Variants in FMN1 observed in about 807,000 individuals in gnomAD.
The protein encoded by FMN1 is formin 1.
Under a neutral mutation model 132.4 loss-of-function variants are expected in FMN1, and 110 were observed. The ratio of observed to expected loss-of-function variants is 0.83; its 90% CI spans 0.71 to 0.97. The LOEUF (loss-of-function observed/expected upper bound fraction) is 0.97. Ranked by LOEUF, FMN1 falls within the 50% of genes least tolerant of loss-of-function variation. The probability of loss-of-function intolerance (pLI) is 0.00; values close to 1 mark genes in which losing one functional copy is unlikely to be tolerated. For missense variants in FMN1, 1,792 were observed against 1,705.3 expected (o/e 1.05, Z -0.90); for synonymous variants, 722 against 651.7 (o/e 1.11, Z -1.64).
Position 32,804,442 on chromosome 15 carries a change from G to GCA in FMN1, c.3929-111_3929-110insTG, listed in dbSNP as rs1567194460. 11 of 45,206 alleles carry GCA rather than the reference G, an allele frequency of 2.4e-4. 1 individual carries two copies. The highest frequency in any genetic ancestry group is 1.5e-3 in the South Asian group (9 of 5,812). 2.8% of individuals were successfully genotyped at this position (45,206 alleles called of 1,614,324 possible). The stretch of plus-strand genomic sequence containing the variant: ...TACCACAGGAGGTCTGAATTCGGGG[G>GCA]GGGGGGGGGGGGGTAGCCTGTAACA... On this transcript the variant is annotated intron_variant, in intron 17 of 20. Transcript: ENST00000616417.
chr15:32,887,886 CTGCTATTA>C (rs1360506324), intron 16 of FMN1, among the ~76,000 whole-genome samples: 2 of 152,064 alleles, frequency 1.3e-5, no homozygotes, highest in African/African-American at 4.8e-5. Flanking sequence ...TAAATGGTTA[CTGCTATTA>C]TCATTAATAA....
Position 32,905,456 on chromosome 15 carries a change from C to T in FMN1, c.3377+3034G>A, listed in dbSNP as rs772368920. ...CTGTGTATAGTGTTCTCACCCTAGG[C>T]CATGAGAAGTGTGTACCAGGCCTAA... On this transcript the variant is annotated intron_variant, in intron 12 of 20. Coordinates refer to ENST00000616417, the MANE Select transcript of FMN1 (RefSeq NM_001277313.2). 4.5e-4 allele frequency among the ~76,000 whole-genome samples: 68 copies of T among 152,322 alleles called. 1 individual carries two copies. In the Middle Eastern group the frequency reaches 0.027, roughly 61 times the overall value.
At chr15:33,100,346 T>C (rs950617736) in intron 4 of FMN1, among the ~76,000 whole-genome samples, 4 of 152,178 alleles carry the variant, frequency 2.6e-5, no homozygotes, top group Admixed American at 6.5e-5. Context: ...AGGGAAGCTA[T>C]TGTGAAACAA....
At chr15:32,896,150 C>A (rs2060149335) in intron 15 of FMN1, among the ~76,000 whole-genome samples, 1 of 151,966 alleles carries the variant, frequency 6.6e-6, no homozygotes, top group Non-Finnish European at 1.5e-5. Context: ...ATACTTGACA[C>A]ATATTTATTT....
chr15:32,984,909 T>C (rs543712785), intron 7 of FMN1, among the ~76,000 whole-genome samples: 2 of 149,506 alleles, frequency 1.3e-5, no homozygotes, highest in South Asian at 2.1e-4. Flanking sequence ...TATTGATACG[T>C]AGGTCTTCTT....
At position 33,154,111 on chromosome 15, in the gene FMN1, G is replaced by A; in HGVS notation, c.804C>T (p.Pro268=). 1.3e-6 allele frequency: 2 copies of A among 1,536,096 alleles called. No individual in the cohort carries two copies. Among genetic ancestry groups the A allele is most frequent in the Non-Finnish European group, 1.7e-6 (2 of 1,146,830 alleles). Residue 268 remains proline (P), a synonymous_variant, in exon 4 of 21, where the codon CCC becomes CCT. Coordinates refer to ENST00000616417, the MANE Select transcript of FMN1 (RefSeq NM_001277313.2). The part of the protein sequence containing the change: ...KDTGLGREVL[P]PDCSSTEAGG... The stretch of plus-strand genomic sequence containing the variant: ...CTGCCTCTGTGGAGCTGCAGTCAGG[G>A]GGCAGCACTTCTCTTCCAAGCCCAG...
chr15:32,973,585 A>C (rs981126532), intron 7 of FMN1, among the ~76,000 whole-genome samples: 7 of 136,904 alleles, frequency 5.1e-5, no homozygotes, highest in African/African-American at 9.1e-5. Flanking sequence ...CACCCCCCCC[A>C]AAAAAACACT....
At chr15:33,107,370 C>CA (rs1310393658) in intron 4 of FMN1, among the ~76,000 whole-genome samples, 5 of 152,038 alleles carry the variant, frequency 3.3e-5, no homozygotes, top group Non-Finnish European at 7.4e-5. Flanking sequence ...TTAAAAATGT[C>CA]ACACCATTCC....
intron 4 of FMN1, among the ~76,000 whole-genome samples, chr15:33,136,559 T>C (rs1051122831): frequency 1.3e-5 from 2 of 152,174 alleles, no homozygotes; most frequent in East Asian, 1.9e-4. Context: ...GTTTTAGTTA[T>C]TTCCTCCTAA....
At chr15:33,182,048 T>C (rs1337454472) in intron 2 of FMN1, among the ~76,000 whole-genome samples, 5 of 152,086 alleles carry the variant, frequency 3.3e-5, no homozygotes, top group Non-Finnish European at 7.4e-5. Context: ...GACTGCTCTA[T>C]GGAAAATAGA....
intron 15 of FMN1, among the ~76,000 whole-genome samples, chr15:32,889,703 C>G (rs946278447): frequency 8.2e-5 from 12 of 146,008 alleles, no homozygotes; most frequent in Admixed American, 7.5e-4. Context: ...CCCCTAACCT[C>G]CAGCACGTGG....
intron 19 of FMN1, among the ~76,000 whole-genome samples, chr15:32,782,799 C>T (rs1355606901): frequency 1.3e-5 from 2 of 152,180 alleles, no homozygotes; most frequent in Non-Finnish European, 2.9e-5. Context: ...GGATCACATA[C>T]ACCATGAAAT....
chr15:32,933,316 C>T (rs1252506412), intron 9 of FMN1, among the ~76,000 whole-genome samples: 1 of 152,148 alleles, frequency 6.6e-6, no homozygotes, highest in African/African-American at 2.4e-5. Context: ...TTTCTAGTTT[C>T]ATGCCATTGT....
intron 19 of FMN1, among the ~76,000 whole-genome samples, chr15:32,779,466 G>A (rs2056594244): frequency 6.6e-6 from 1 of 152,156 alleles, no homozygotes; most frequent in Non-Finnish European, 1.5e-5. Flanking sequence ...GTGCACTAAG[G>A]AGAAGAAATT....
chr15:33,066,574 C>T (rs1380581537), intron 5 of FMN1: 6 of 1,611,496 alleles, frequency 3.7e-6, no homozygotes, highest in South Asian at 3.3e-5. Flanking sequence ...CAGCTCTTAG[C>T]GACTCCTTCT....
chr15:32,815,262 T>C (rs114421954), intron 17 of FMN1, among the ~76,000 whole-genome samples: 2,932 of 152,320 alleles, frequency 0.019, 103 homozygotes, highest in African/African-American at 0.066. Context: ...TTTTTATTTC[T>C]TCTTTAAAGT....
At chr15:33,066,749 C>T (rs2037747184) in intron 5 of FMN1, 1 of 1,613,968 alleles carries the variant, frequency 6.2e-7, no homozygotes, top group Non-Finnish European at 8.5e-7. Flanking sequence ...GCCGCTCTGG[C>T]TCTCTTGGTC....
chr15:33,172,165 G>A (rs1047655549), intron 3 of FMN1, among the ~76,000 whole-genome samples: 3 of 151,118 alleles, frequency 2.0e-5, no homozygotes, highest in Non-Finnish European at 4.4e-5. Flanking sequence ...CCGAGATCGC[G>A]CCACTGCACT....
At chr15:33,150,160 T>C in intron 4 of FMN1, 1 of 985,424 alleles carries the variant, frequency 1.0e-6, no homozygotes, top group Middle Eastern at 5.2e-4. Context: ...CTCCCTGTGA[T>C]TCTTCTGGCA....
Sources: allele counts gnomAD v4.1 joint callset (sites outside exome capture counted in the v4.1 genomes callset), GRCh38; gene constraint gnomAD v4.1.1; transcripts MANE v1.5; gene names NCBI Gene and HGNC (gene_info 2026-07-23, HGNC 2026-07-21).